Variants in CRYM observed in about 807,000 individuals in gnomAD.
CRYM encodes the protein ketimine reductase mu-crystallin.
Under a neutral mutation model 32.9 loss-of-function variants are expected in CRYM, and 18 were observed. That is an observed-to-expected ratio of 0.55 (90% CI 0.38 to 0.81). The LOEUF (loss-of-function observed/expected upper bound fraction) is 0.81, where lower values mean the gene tolerates loss of function less well. Among genes scored for constraint, CRYM ranks in the 30% least tolerant of loss-of-function variants. The pLI is 0.00. For missense variants in CRYM, 337 were observed against 393.5 expected (o/e 0.86, Z 1.21); for synonymous variants, 153 against 152.4 (o/e 1.00, Z -0.03).
chr16:21,261,408 C>T, intron 6 of CRYM, 70 bp from the exon 7 acceptor site: 1 of 1,106,502 alleles, frequency 9.0e-7, no homozygotes. Context: ...TTGAAGCCAG[C>T]CCAGGGAATT....
At chr16:21,281,478 G>A (rs979109810), upstream of CRYM, among the ~76,000 whole-genome samples, 15 of 152,008 alleles carry the variant, frequency 9.9e-5, no homozygotes, top group Non-Finnish European at 2.1e-4. Flanking sequence ...TGATCCACCC[G>A]CCTTGGCCTC....
intron 1 of CRYM, chr16:21,283,908 A>C (rs2093402884): frequency 6.6e-6 from 1 of 152,440 alleles, no homozygotes; most frequent in Non-Finnish European, 1.5e-5. Context: ...TGGGATGAGG[A>C]GCCCCAACCA....
chr16:21,258,674 C>T lies in CRYM; in HGVS notation c.*107G>A, dbSNP rs902873224. ...CATTTAAGGTAAAACATGATAAGCACAAAAGGAGAGTTCACTGGGGACTGG... is the reference window on the plus strand; with the variant it reads ...CATTTAAGGTAAAACATGATAAGCATAAAAGGAGAGTTCACTGGGGACTGG... On this transcript the variant is annotated 3_prime_UTR_variant, in exon 8 of 8. Coordinates refer to ENST00000572914, the MANE Select transcript of CRYM (RefSeq NM_001376256.1). 5 of 974,574 alleles carry T rather than the reference C, an allele frequency of 5.1e-6. No individual in the cohort carries two copies. The Admixed American group carries it at 8.6e-5, about 17-fold the overall frequency. The allele number at this position is 974,574 out of a possible 1,614,324, so 60.4% of individuals were successfully genotyped here. A position where few individuals can be genotyped will look rare whatever the true frequency, so the allele number is the denominator to read the frequency against.
At chr16:21,267,771 C>T (rs760741698) in intron 4 of CRYM, 34 bp from the exon 5 acceptor site, 2 of 1,612,382 alleles carry the variant, frequency 1.2e-6, no homozygotes, top group Admixed American at 1.7e-5. Context: ...ATATTGGCGC[C>T]ATTTTTTGGC....
intron 1 of CRYM, among the ~76,000 whole-genome samples, chr16:21,285,386 G>A (rs1027072250): frequency 6.6e-6 from 1 of 152,124 alleles, no homozygotes. Flanking sequence ...GTATGAATTG[G>A]GTTAATTTCT....
rs2093388399 is a variant in CRYM, at chr16:21,277,230, T to C, written c.324+201A>G. On this transcript the variant is annotated intron_variant, in intron 2 of 7. Coordinates refer to ENST00000572914, the MANE Select transcript of CRYM (RefSeq NM_001376256.1). The surrounding 1 kb of genome is among the most constrained non-coding windows in gnomAD (Gnocchi z 4.2). Reference sequence around the variant, plus strand: ...ACATGCTTGAGGCAGCAGTGGGCGCTGGTGCCGTGTTATGCATCCTCAGGC... The same window carrying C: ...ACATGCTTGAGGCAGCAGTGGGCGCCGGTGCCGTGTTATGCATCCTCAGGC... Among the ~76,000 whole-genome samples the C allele has an allele frequency of 2.0e-5, 3 of 152,198 alleles. No homozygotes were observed. The highest frequency in any genetic ancestry group is 2.0e-4 in the Admixed American group (3 of 15,280).
intron 1 of CRYM, among the ~76,000 whole-genome samples, chr16:21,291,927 T>C (rs537472334): frequency 6.6e-6 from 1 of 152,270 alleles, no homozygotes; most frequent in African/African-American, 2.4e-5. Context: ...TGAAGTTAAA[T>C]TTATCATTTT....
chr16:21,274,298 G>A (rs1043235563), intron 3 of CRYM, among the ~76,000 whole-genome samples: 2 of 152,142 alleles, frequency 1.3e-5, no homozygotes, highest in African/African-American at 4.8e-5. Flanking sequence ...TCTGCCTGGA[G>A]TGCCCCTCCG....
chr16:21,296,752 T>C (rs1960796274), intron 1 of CRYM, among the ~76,000 whole-genome samples: 1 of 152,252 alleles, frequency 6.6e-6, no homozygotes, highest in Admixed American at 6.5e-5. Context: ...GGCTCACGCC[T>C]GTAATCCCAG....
chr16:21,282,283 C>G (rs1336665795), upstream of CRYM, among the ~76,000 whole-genome samples: 1 of 152,206 alleles, frequency 6.6e-6, no homozygotes. Flanking sequence ...AAGCCTCTTT[C>G]TTCTGTAAAT....
At chr16:21,279,753 C>T (rs1279255990), upstream of CRYM, among the ~76,000 whole-genome samples, 2 of 152,154 alleles carry the variant, frequency 1.3e-5, no homozygotes, top group African/African-American at 4.8e-5. Context: ...CTACATAGGG[C>T]ATTTTGTAGG....
intron 5 of CRYM, among the ~76,000 whole-genome samples, chr16:21,263,009 C>T (rs1320865580): frequency 1.3e-5 from 2 of 152,214 alleles, no homozygotes; most frequent in Non-Finnish European, 2.9e-5. Context: ...CCATCATTCC[C>T]ATTCCTCACC....
intron 1 of CRYM, among the ~76,000 whole-genome samples, chr16:21,287,310 CT>C (rs1303205092): frequency 1.3e-5 from 2 of 152,082 alleles, no homozygotes; most frequent in African/African-American, 2.4e-5. Flanking sequence ...ACCATAAGAC[CT>C]ATTTTTTGGT....
At chr16:21,275,227 A>G (rs976209977) in intron 3 of CRYM, among the ~76,000 whole-genome samples, 1 of 152,252 alleles carries the variant, frequency 6.6e-6, no homozygotes, top group East Asian at 1.9e-4. Context: ...ATCCTGGGCA[A>G]TTCACAGAAG....
chr16:21,299,421 G>A (rs1960855122), intron 1 of CRYM, among the ~76,000 whole-genome samples: 1 of 152,026 alleles, frequency 6.6e-6, no homozygotes, highest in Admixed American at 6.6e-5. Flanking sequence ...CGATTCTCCT[G>A]TCTCAGCCTC....
chr16:21,293,028 A>AGGAT (rs1555465436), intron 1 of CRYM, among the ~76,000 whole-genome samples: 1 of 150,364 alleles, frequency 6.7e-6, no homozygotes, highest in Admixed American at 6.7e-5. Context: ...AAGTAGATAG[A>AGGAT]AGATAGATAG....
intron 3 of CRYM, among the ~76,000 whole-genome samples, chr16:21,270,584 AG>A (rs2093373443): frequency 6.6e-6 from 1 of 152,098 alleles, no homozygotes; most frequent in Non-Finnish European, 1.5e-5. Flanking sequence ...GCACCTAGCC[AG>A]GTCTTACAAC....
intron 1 of CRYM, chr16:21,299,968 CT>C (rs1229565108): frequency 6.6e-6 from 1 of 152,142 alleles, no homozygotes; most frequent in African/African-American, 2.4e-5. Flanking sequence ...CCAGCAAGGA[CT>C]GGGGAAAGGT....
At chr16:21,289,345 C>G (rs977881859) in intron 1 of CRYM, among the ~76,000 whole-genome samples, 2 of 152,088 alleles carry the variant, frequency 1.3e-5, no homozygotes, top group African/African-American at 4.8e-5. Flanking sequence ...CTCTTATAAC[C>G]GTTTTTATCT....
Sources: allele counts gnomAD v4.1 joint callset (sites outside exome capture counted in the v4.1 genomes callset), GRCh38; gene constraint gnomAD v4.1.1; non-coding constraint Gnocchi (gnomAD v3.1); transcripts MANE v1.5; gene names NCBI Gene and HGNC (gene_info 2026-07-23, HGNC 2026-07-21).